LPP: variants seen among roughly 807,000 people sequenced by gnomAD.
LPP encodes LIM domain containing preferred translocation partner in lipoma.
LPP carries 38 observed loss-of-function variants against 60.4 expected under a neutral mutation model. That is an observed-to-expected ratio of 0.63 (90% CI 0.49 to 0.83). LPP has a LOEUF of 0.83. LPP is among the 40% of genes least tolerant of loss of function. LPP has a pLI of 0.00. For synonymous variants in LPP, 328 were observed against 290.8 expected (o/e 1.13, Z -1.30); for missense variants, 902 against 783.6 (o/e 1.15, Z -1.80).
intron 9 of LPP, among the ~76,000 whole-genome samples, chr3:188,843,083 C>T (rs1018200850): frequency 6.6e-6 from 1 of 152,016 alleles, no homozygotes; most frequent in African/African-American, 2.4e-5. Flanking sequence ...TAGTATGCCA[C>T]GATTATACCA....
chr3:188,301,492 GC>G (rs1749851637), intron 2 of LPP, among the ~76,000 whole-genome samples: 1 of 152,142 alleles, frequency 6.6e-6, no homozygotes, highest in Non-Finnish European at 1.5e-5. Context: ...GGAATGTTTT[GC>G]TAAGAATCAG....
At chr3:188,517,995 C>T (rs1466909510) in intron 5 of LPP, among the ~76,000 whole-genome samples, 1 of 152,138 alleles carries the variant, frequency 6.6e-6, no homozygotes, top group Non-Finnish European at 1.5e-5. Context: ...CTCTCTCTCA[C>T]CATATGACAT....
At chr3:188,177,688 T>A (rs767782766) in intron 1 of LPP, among the ~76,000 whole-genome samples, 27 of 152,182 alleles carry the variant, frequency 1.8e-4, no homozygotes, top group Non-Finnish European at 2.2e-4. Flanking sequence ...TTACCTATTC[T>A]GACTGGAGTA....
At chr3:188,708,676 G>A (rs956846027) in intron 8 of LPP, 14 of 506,720 alleles carry the variant, frequency 2.8e-5, no homozygotes, top group Non-Finnish European at 3.8e-5. Context: ...TAGGCAACAT[G>A]GGGAGACCCT....
At chr3:188,715,899 T>A (rs1713773389) in intron 8 of LPP, among the ~76,000 whole-genome samples, 1 of 152,340 alleles carries the variant, frequency 6.6e-6, no homozygotes. Flanking sequence ...ATGGATGTTG[T>A]AATACATCTA....
At chr3:188,624,279 A>C (rs1217429355) in intron 7 of LPP, among the ~76,000 whole-genome samples, 2 of 152,228 alleles carry the variant, frequency 1.3e-5, no homozygotes, top group African/African-American at 4.8e-5. Flanking sequence ...TGATCAGAGA[A>C]AGGGTATAGG....
chr3:188,181,509 T>C (rs377478300), intron 1 of LPP, among the ~76,000 whole-genome samples: 12 of 152,226 alleles, frequency 7.9e-5, no homozygotes, highest in African/African-American at 2.7e-4. Context: ...GTAAATATTT[T>C]AGGCCTTGCA....
At chr3:188,480,666 G>T (rs1373223254) in intron 4 of LPP, among the ~76,000 whole-genome samples, 1 of 152,180 alleles carries the variant, frequency 6.6e-6, no homozygotes, top group Non-Finnish European at 1.5e-5. Context: ...AAGCTTGCCT[G>T]TACGTCTCAG....
chr3:188,401,789 T>A (rs942721054), intron 3 of LPP, among the ~76,000 whole-genome samples: 1 of 152,174 alleles, frequency 6.6e-6, no homozygotes, highest in Non-Finnish European at 1.5e-5. Context: ...CAGAGCACCA[T>A]GTGACGAATA....
chr3:188,215,352 A>G (rs1339917397), intron 1 of LPP, among the ~76,000 whole-genome samples: 1 of 151,998 alleles, frequency 6.6e-6, no homozygotes, highest in Non-Finnish European at 1.5e-5. Context: ...TGTTAAATAC[A>G]TTCATATTGC....
intron 3 of LPP, among the ~76,000 whole-genome samples, chr3:188,363,689 G>A (rs1032289868): frequency 4.6e-5 from 7 of 152,014 alleles, no homozygotes; most frequent in Non-Finnish European, 7.4e-5. Context: ...GGCAGATCAC[G>A]AGGTCAGGAG....
chr3:188,447,215 G>A (rs980901142), intron 4 of LPP, among the ~76,000 whole-genome samples: 2 of 152,200 alleles, frequency 1.3e-5, no homozygotes, highest in African/African-American at 4.8e-5. Flanking sequence ...TTGTTTTGCA[G>A]TGGGTCTGCA....
chr3:188,263,220 G>A (rs1003892494), intron 2 of LPP, among the ~76,000 whole-genome samples: 1 of 152,142 alleles, frequency 6.6e-6, no homozygotes, highest in Non-Finnish European at 1.5e-5. Flanking sequence ...TATCCTGTTG[G>A]ACTATGTACA....
chr3:188,535,619 A>G (rs933518879), intron 6 of LPP, among the ~76,000 whole-genome samples: 2 of 152,214 alleles, frequency 1.3e-5, no homozygotes, highest in African/African-American at 4.8e-5. Context: ...GCCGAAGTGA[A>G]TATTTTTTTA....
chr3:188,769,567 T>G (rs1203267068), intron 9 of LPP, among the ~76,000 whole-genome samples: 1 of 152,208 alleles, frequency 6.6e-6, no homozygotes, highest in Non-Finnish European at 1.5e-5. Flanking sequence ...GAATGCTTTT[T>G]AAAGTCCAGC....
At chr3:188,755,816 A>C (rs1479077784) in intron 8 of LPP, among the ~76,000 whole-genome samples, 1 of 3,100 alleles carries the variant, frequency 3.2e-4, no homozygotes, top group Non-Finnish European at 1.0e-3. Context: ...TCACAAAAAA[A>C]AAAAAAAAAA....
chr3:188,403,158 G>A (rs1782643496), intron 3 of LPP, among the ~76,000 whole-genome samples: 2 of 152,190 alleles, frequency 1.3e-5, no homozygotes, highest in African/African-American at 4.8e-5. Flanking sequence ...ATGGAGGGCA[G>A]CATGCGGGTA....
At chr3:188,481,598 A>G (rs570528608) in intron 4 of LPP, among the ~76,000 whole-genome samples, 3 of 152,304 alleles carry the variant, frequency 2.0e-5, no homozygotes, top group Admixed American at 2.0e-4. Flanking sequence ...TTTGGAAGGG[A>G]CAGACAGTTG....
At chr3:188,549,247 T>C (rs1827429045) in intron 6 of LPP, among the ~76,000 whole-genome samples, 1 of 152,198 alleles carries the variant, frequency 6.6e-6, no homozygotes, top group Non-Finnish European at 1.5e-5. Flanking sequence ...TATCTTTTTT[T>C]TTGGCCTGGA....
Sources: gnomAD v4.1 joint callset for allele counts (sites outside exome capture counted in the v4.1 genomes callset) on GRCh38, gnomAD v4.1.1 for gene constraint, MANE v1.5 for transcripts, NCBI Gene and HGNC (gene_info 2026-07-23, HGNC 2026-07-21) for gene names.